Variants in GRIN2C observed in about 807,000 individuals in gnomAD.
The protein encoded by GRIN2C is glutamate receptor ionotropic, NMDA 2C.
GRIN2C carries 64 observed loss-of-function variants against 77.7 expected under a neutral mutation model. The ratio of observed to expected loss-of-function variants is 0.82; its 90% CI spans 0.67 to 1.01. The LOEUF (loss-of-function observed/expected upper bound fraction) is 1.01, where lower values mean the gene tolerates loss of function less well. Ranked by LOEUF, GRIN2C falls within the 50% of genes least tolerant of loss-of-function variation. The pLI, the probability that GRIN2C is intolerant of heterozygous loss-of-function variation, is 0.00. For synonymous variants in GRIN2C, 792 were observed against 643.4 expected, an observed-to-expected ratio of 1.23 and a Z score of -3.49; for missense variants, 1,549 against 1,486.0, an observed-to-expected ratio of 1.04 and a Z score of -0.70.
rs747056486 is a variant in GRIN2C at position 74,850,578 on chromosome 17, T to G, written c.1303A>C (p.Arg435=). 1.2e-6 allele frequency: 2 copies of G among 1,613,430 alleles called. No individual in the cohort carries two copies. Among genetic ancestry groups the G allele is most frequent in the East Asian group, 4.5e-5 (2 of 44,872 alleles). ...GCVPNTVPCR[R]QSNHTFSSGD... is the part of the protein sequence containing the mutation. ...GACCTGAAGGTGTGGTTGCTCTGCC[T>G]GCGGCAGGGCACGGTGTTGGGGACA... The change falls in exon 5 of 13, where the codon AGG becomes CGG. Residue 435 remains arginine (R), a synonymous_variant. Coordinates refer to ENST00000293190, the MANE Select transcript of GRIN2C (RefSeq NM_000835.6). The surrounding 1 kb of genome is among the most constrained non-coding windows in gnomAD (Gnocchi z 5.3).
At position 74,854,747 on chromosome 17, in the gene GRIN2C, G is replaced by T. The variant is rs1456314472; in HGVS notation, c.346C>A (p.His116Asn). 2.5e-6 allele frequency: 4 copies of T among 1,612,656 alleles called. No homozygotes were observed. The highest frequency in any genetic ancestry group is 3.4e-6 in the Non-Finnish European group (4 of 1,178,816). ...CCGCTGATGCTGAGGATGGGCACAT[G>T]GGTCTGGGAGGAGATGAAGTCAAGG... ...QILDFISSQTHVPILSISGGS... is the reference protein window; with the variant it reads ...QILDFISSQTNVPILSISGGS... The change falls in exon 2 of 13, where the codon CAT (histidine) becomes AAT (asparagine). Residue 116 changes from histidine (H) to asparagine (N), a missense_variant. Physicochemically the swap from His to Asn is moderately conservative, Grantham distance 68 (BLOSUM62 1). Around this residue, in one of 3 missense-constraint regions of GRIN2C, gnomAD observed 382 missense variants for 360.0 expected, o/e 1.06. Transcript: ENST00000293190.
chr17:74,844,030 CGCCCA>C lies in GRIN2C; in HGVS notation c.2583+241_2583+245del, dbSNP rs2037383446. The C allele has an allele frequency of 1.4e-5, 10 of 733,118 alleles. No homozygotes were observed. The South Asian group carries it at 2.0e-4, about 15-fold the overall frequency. The allele number at this position is 733,118 out of a possible 1,614,324, so 45.4% of individuals were successfully genotyped here. A position where few individuals can be genotyped will look rare whatever the true frequency, so the allele number is the denominator to read the frequency against. ...CTGGGACTGCAGGCGCGCACCACCA[CGCCCA>C]GCTAATTCTTTTATTTTCTGTAGAG... On this transcript the variant is annotated intron_variant, in intron 12 of 12. Transcript: ENST00000293190.
At position 74,847,836 on chromosome 17, in the gene GRIN2C, C is replaced by A; in HGVS notation, c.1771+16G>T. 1.9e-6 allele frequency: 3 copies of A among 1,613,882 alleles called. No individual in the cohort carries two copies. The highest frequency in any genetic ancestry group is 2.2e-5 in the South Asian group (2 of 91,056). ...GCCCAGGCCCACCCCTCCTGCCGGG[C>A]CCAGGCAAGGCTTACTCTTGCCTCT... On this transcript the variant is annotated intron_variant, in intron 8 of 12. Transcript: ENST00000293190. The surrounding 1 kb of genome is among the most constrained non-coding windows in gnomAD (Gnocchi z 5.2).
chr17:74,850,376 A>G lies in GRIN2C; in HGVS notation c.1326-5T>C. 1.2e-6 allele frequency: 2 copies of G among 1,609,012 alleles called. No individual in the cohort carries two copies. ...TAGGGGGCCACGTCCCCGCTGCTGC[A>G]GCCATGCCGCCATGAGACCACCGGG... is the stretch of plus-strand genomic sequence containing the variant. On this transcript the variant is annotated splice_polypyrimidine_tract_variant and splice_region_variant and intron_variant, in intron 5 of 12. Coordinates refer to ENST00000293190, the MANE Select transcript of GRIN2C (RefSeq NM_000835.6). The surrounding 1 kb of genome is among the most constrained non-coding windows in gnomAD (Gnocchi z 5.3).
rs1470086768 is a variant in GRIN2C at position 74,844,235 on chromosome 17, C to T, written c.2583+41G>A. On this transcript the variant is annotated intron_variant, in intron 12 of 12. Coordinates refer to ENST00000293190, the MANE Select transcript of GRIN2C (RefSeq NM_000835.6). Reference sequence around the variant, plus strand: ...AGCCCGGACTTATCTGGGTAGGTGCCCTTAAAACTTTGGCCTGTGTGGGGA... The same window carrying T: ...AGCCCGGACTTATCTGGGTAGGTGCTCTTAAAACTTTGGCCTGTGTGGGGA... The T allele has an allele frequency of 2.5e-6, 4 of 1,609,052 alleles. No individual in the cohort carries two copies. In the East Asian group the frequency reaches 8.9e-5, roughly 36 times the overall value.
At position 74,850,600 on chromosome 17, in the gene GRIN2C, G is replaced by A. The variant is rs767304943; in HGVS notation, c.1281C>T (p.Val427=). Residue 427 remains valine (V), a synonymous_variant, in exon 5 of 13, where the codon GTC becomes GTT. Coordinates refer to ENST00000293190, the MANE Select transcript of GRIN2C (RefSeq NM_000835.6). This position sits in a 1 kb window ranked among gnomAD's most constrained non-coding sequence, Gnocchi z 5.3. ...ESPDPGTGGC[V]PNTVPCRRQS... Reference sequence around the variant, plus strand: ...GCCTGCGGCAGGGCACGGTGTTGGGGACACAGCCTCCTGTGCCAGGGTCAG... The same window carrying A: ...GCCTGCGGCAGGGCACGGTGTTGGGAACACAGCCTCCTGTGCCAGGGTCAG... 3 of 1,613,582 alleles carry A rather than the reference G, an allele frequency of 1.9e-6. No homozygotes were observed. The African/African-American group carries it at 4.0e-5, about 22-fold the overall frequency.
Position 74,843,150 on chromosome 17 carries a change from C to T in GRIN2C, c.2987G>A (p.Arg996His), listed in dbSNP as rs2037348511. 2 of 415,356 alleles carry T rather than the reference C, an allele frequency of 4.8e-6. No individual in the cohort carries two copies. The highest frequency in any genetic ancestry group is 1.6e-4 in the South Asian group (2 of 12,650). The allele number at this position is 415,356 out of a possible 1,614,324, so 25.7% of individuals were successfully genotyped here. The change falls in exon 13 of 13, where the codon CGC (arginine) becomes CAC (histidine). Residue 996 changes from arginine (R) to histidine (H), a missense_variant. Around this residue, in one of 3 missense-constraint regions of GRIN2C, gnomAD observed 450 missense variants for 267.9 expected, o/e 1.68. Transcript: ENST00000293190. Reference sequence around the variant, plus strand: ...CCACCGCGCCTCCCAGGCTGGGCGGCGCGACACTCGGGAGACGTCGGACAG... The same window carrying T: ...CCACCGCGCCTCCCAGGCTGGGCGGTGCGACACTCGGGAGACGTCGGACAG... ...PPLSDVSRVS[R>H]RPAWEARWPV...
rs2037481268 is a variant in GRIN2C at position 74,847,109 on chromosome 17, T to TA, written c.2002-190dup. 2.7e-6 allele frequency: 2 copies of TA among 734,128 alleles called. No individual in the cohort carries two copies. The highest frequency in any genetic ancestry group is 4.4e-6 in the Non-Finnish European group (2 of 456,382). 45.5% of individuals were successfully genotyped at this position (734,128 alleles called of 1,614,324 possible). A position where few individuals can be genotyped will look rare whatever the true frequency, so the allele number is the denominator to read the frequency against. On this transcript the variant is annotated intron_variant, in intron 9 of 12. Coordinates refer to ENST00000293190, the MANE Select transcript of GRIN2C (RefSeq NM_000835.6). The surrounding 1 kb of genome is among the most constrained non-coding windows in gnomAD (Gnocchi z 5.2). ...CTGAGGCCCAAGACAGGGAGAGACT[T>TA]ACCCAAGGCCTCTCAGCCGGTGGCC... is the stretch of plus-strand genomic sequence containing the variant.
chr17:74,859,901 G>A (rs867064864), upstream of GRIN2C: 12 of 166,494 alleles, frequency 7.2e-5, no homozygotes, highest in South Asian at 1.2e-3. This position sits in a 1 kb window ranked among gnomAD's most constrained non-coding sequence, Gnocchi z 5.9. Context: ...CGGCGGCGGC[G>A]GCGGCGGCTC....
chr17:74,852,069 G>C lies in GRIN2C; in HGVS notation c.942C>G (p.Ala314=), dbSNP rs61758998. Residue 314 remains alanine (A), a synonymous_variant, in exon 3 of 13, where the codon GCC becomes GCG. Coordinates refer to ENST00000293190, the MANE Select transcript of GRIN2C (RefSeq NM_000835.6). ...WRQHGTLPAP[A]GDCRVHPGPV... is the part of the protein sequence containing the mutation. ...GCCCAGGGTGAACACGGCAGTCCCC[G>C]GCCGGGGCTGGCAGGGTTCCATGCT... The C allele has an allele frequency of 2.5e-5, 36 of 1,455,930 alleles. No homozygotes were observed. In the African/African-American group the frequency reaches 5.0e-4, roughly 20 times the overall value. 90.2% of individuals were successfully genotyped at this position (1,455,930 alleles called of 1,614,324 possible).
chr17:74,860,423 C>A (rs766718097), upstream of GRIN2C: 5 of 456,732 alleles, frequency 1.1e-5, no homozygotes, highest in South Asian at 7.7e-5. Context: ...GCATCAGGGC[C>A]TGGCGGGAAT....
Position 74,850,858 on chromosome 17 carries a change from C to T in GRIN2C, c.1114-91G>A. ...CTGCCAGGGCCAAGAATCTCCCTCT[C>T]TCACCTAGGGATGCTGGGGCAGGTC... On this transcript the variant is annotated intron_variant, in intron 4 of 12. Coordinates refer to ENST00000293190, the MANE Select transcript of GRIN2C (RefSeq NM_000835.6). This position sits in a 1 kb window ranked among gnomAD's most constrained non-coding sequence, Gnocchi z 5.3. 1 of 1,081,620 alleles carries T rather than the reference C, an allele frequency of 9.2e-7. No individual in the cohort carries two copies. The highest frequency in any genetic ancestry group is 1.4e-6 in the Non-Finnish European group (1 of 727,962). 67.0% of individuals were successfully genotyped at this position (1,081,620 alleles called of 1,614,324 possible).
Position 74,854,969 on chromosome 17 carries a change from G to A in GRIN2C, c.124C>T (p.Pro42Ser), listed in dbSNP as rs2037775169. The part of the protein sequence containing the change: ...VAVVFSSSGP[P>S]QAQFRARLTP... Reference sequence around the variant, plus strand: ...AGGCGGGCACGGAACTGGGCCTGGGGCGGCCCTGAGCTGCTAAACACCACG... The same window carrying A: ...AGGCGGGCACGGAACTGGGCCTGGGACGGCCCTGAGCTGCTAAACACCACG... The change falls in exon 2 of 13, where the codon CCC becomes TCC. Residue 42 changes from proline to serine, a missense_variant. Physicochemically the swap from Pro to Ser is moderately conservative, Grantham distance 74. Coordinates refer to ENST00000293190, the MANE Select transcript of GRIN2C (RefSeq NM_000835.6). The A allele has an allele frequency of 1.2e-6, 2 of 1,611,110 alleles. No homozygotes were observed. Among genetic ancestry groups the A allele is most frequent in the Non-Finnish European group, 1.7e-6 (2 of 1,179,958 alleles).
In GRIN2C at chr17:74,852,629, C is replaced by A. The variant is rs760868308; in HGVS notation, c.400-18G>T. 9.2e-7 allele frequency: 1 copy of A among 1,092,270 alleles called. No individual in the cohort carries two copies. The highest frequency in any genetic ancestry group is 1.1e-6 in the Non-Finnish European group (1 of 888,656). 67.7% of individuals were successfully genotyped at this position (1,092,270 alleles called of 1,614,324 possible). A position where few individuals can be genotyped will look rare whatever the true frequency, so the allele number is the denominator to read the frequency against. On this transcript the variant is annotated intron_variant, in intron 2 of 12. Coordinates refer to ENST00000293190, the MANE Select transcript of GRIN2C (RefSeq NM_000835.6). Reference sequence around the variant, plus strand: ...CCCGGCTCCTGGGGGCGGGCGGGGCCTGAGCGGGGCGGGAGGGCCGAGCCC... The same window carrying A: ...CCCGGCTCCTGGGGGCGGGCGGGGCATGAGCGGGGCGGGAGGGCCGAGCCC...
intron 11 of GRIN2C, among the ~76,000 whole-genome samples, chr17:74,845,179 C>G (rs1305132452): frequency 6.6e-6 from 1 of 152,130 alleles, no homozygotes; most frequent in East Asian, 1.9e-4. Context: ...ATCCTCACAC[C>G]TTGGCCTCCC....
In GRIN2C at chr17:74,846,731, A is replaced by C; in HGVS notation, c.2162+29T>G. 1.9e-6 allele frequency: 3 copies of C among 1,604,448 alleles called. No homozygotes were observed. The highest frequency in any genetic ancestry group is 2.6e-6 in the Non-Finnish European group (3 of 1,174,274). Reference sequence around the variant, plus strand: ...GGTCACTGGGGAGACACACGGATGAAGACAGCGGGTGCAGGGCTGGGGACC... The same window carrying C: ...GGTCACTGGGGAGACACACGGATGACGACAGCGGGTGCAGGGCTGGGGACC... On this transcript the variant is annotated intron_variant, in intron 10 of 12. Coordinates refer to ENST00000293190, the MANE Select transcript of GRIN2C (RefSeq NM_000835.6). This position sits in a 1 kb window ranked among gnomAD's most constrained non-coding sequence, Gnocchi z 4.4.
Position 74,859,574 on chromosome 17 carries a change from A to C in GRIN2C, c.-16+170T>G, listed in dbSNP as rs1201576930. On this transcript the variant is annotated intron_variant, in intron 1 of 12. Coordinates refer to ENST00000293190, the MANE Select transcript of GRIN2C (RefSeq NM_000835.6). This position sits in a 1 kb window ranked among gnomAD's most constrained non-coding sequence, Gnocchi z 5.9. ...CCTCCCTCCCTTTTGCCCAGCCAAA[A>C]CCCGAACCCAGGCGCCAGGGGAGAG... Among the ~76,000 whole-genome samples the C allele has an allele frequency of 1.3e-5, 2 of 150,732 alleles. No homozygotes were observed. The highest frequency in any genetic ancestry group is 4.9e-5 in the African/African-American group (2 of 40,878).
At position 74,842,052 on chromosome 17, in the gene GRIN2C, T is replaced by C. The variant is rs1887612829; in HGVS notation, c.*383A>G. 4.5e-6 allele frequency: 1 copy of C among 223,328 alleles called. No individual in the cohort carries two copies. Among genetic ancestry groups the C allele is most frequent in the South Asian group, 7.0e-5 (1 of 14,374 alleles). 13.8% of individuals were successfully genotyped at this position (223,328 alleles called of 1,614,324 possible). On this transcript the variant is annotated 3_prime_UTR_variant, in exon 13 of 13. Transcript: ENST00000293190. ...GTAAAAGGTTGGTTTAATGTCCCAGTGCTCTGATGAGAAGAAACTCTAGCC... is the reference window on the plus strand; with the variant it reads ...GTAAAAGGTTGGTTTAATGTCCCAGCGCTCTGATGAGAAGAAACTCTAGCC...
At position 74,847,524 on chromosome 17, in the gene GRIN2C, T is replaced by C; in HGVS notation, c.1785A>G (p.Pro595=). 1.2e-6 allele frequency: 2 copies of C among 1,612,984 alleles called. No homozygotes were observed. The highest frequency in any genetic ancestry group is 2.2e-5 in the South Asian group (2 of 91,056). Residue 595 remains proline (P), a synonymous_variant, in exon 9 of 13, where the codon CCA becomes CCG. Coordinates refer to ENST00000293190, the MANE Select transcript of GRIN2C (RefSeq NM_000835.6). The surrounding 1 kb of genome is among the most constrained non-coding windows in gnomAD (Gnocchi z 5.2). ...ACACGGACTTGCCGATAGTGAAAGC[T>C]GGGCCCCCGGACTCTGGGGGCAAGA... The part of the protein sequence containing the change: ...NLTRGKKSGG[P]AFTIGKSVWL...
Sources: allele counts gnomAD v4.1 joint callset (sites outside exome capture counted in the v4.1 genomes callset), GRCh38; gene constraint gnomAD v4.1.1; regional missense constraint gnomAD v4.1.1; non-coding constraint Gnocchi (gnomAD v3.1); transcripts MANE v1.5; gene names NCBI Gene and HGNC (gene_info 2026-07-23, HGNC 2026-07-21).